Variants in KDM6A observed in about 807,000 individuals in gnomAD.
KDM6A encodes lysine demethylase 6A.
A neutral mutation model predicts 117.6 loss-of-function variants in KDM6A; 11 were observed. The ratio of observed to expected loss-of-function variants is 0.09; its 90% CI spans 0.06 to 0.15. KDM6A has a LOEUF of 0.15. KDM6A is among the 10% of genes least tolerant of loss of function. The probability of loss-of-function intolerance (pLI) is 1.00; values close to 1 mark genes in which losing one functional copy is unlikely to be tolerated. For missense variants in KDM6A, 799 were observed against 1,077.3 expected (o/e 0.74, Z 3.62); for synonymous variants, 384 against 396.1 (o/e 0.97, Z 0.36).
chrX:45,048,698 T>G lies in KDM6A; in HGVS notation c.655-3011T>G, dbSNP rs148398259. On this transcript the variant is annotated intron_variant, in intron 8 of 29. Coordinates refer to ENST00000611820, the MANE Select transcript of KDM6A (RefSeq NM_001291415.2). ...AATCCAAGAAAAAGGGAGTTACTCATCTAGTGCCGTTTCCTTCCTTTAAGT... is the reference window on the plus strand; with the variant it reads ...AATCCAAGAAAAAGGGAGTTACTCAGCTAGTGCCGTTTCCTTCCTTTAAGT... 8.8e-3 allele frequency among the ~76,000 whole-genome samples: 953 copies of G among 108,341 alleles called. 11 individuals are homozygous for G. Among genetic ancestry groups the G allele is most frequent in the African/African-American group, 0.031 (906 of 29,333 alleles). 94.1% of individuals were successfully genotyped at this position (108,341 alleles called of 115,157 possible). A position where few individuals can be genotyped will look rare whatever the true frequency, so the allele number is the denominator to read the frequency against.
At chrX:45,049,443 A>C (rs988442712) in intron 8 of KDM6A, among the ~76,000 whole-genome samples, 1 of 111,754 alleles carries the variant, frequency 8.9e-6, no homozygotes, top group African/African-American at 3.3e-5. Flanking sequence ...TCTTAACTTT[A>C]TACTTTTACC....
intron 8 of KDM6A, among the ~76,000 whole-genome samples, chrX:45,039,649 AC>A (rs1240097399): frequency 1.1e-4 from 8 of 74,455 alleles, no homozygotes; most frequent in Non-Finnish European, 1.8e-4. Context: ...TAGGCAGAGG[AC>A]CCTGCGGCCT....
chrX:45,093,382 AAAC>A (rs1357675349), intron 27 of KDM6A, among the ~76,000 whole-genome samples: 152 of 107,013 alleles, frequency 1.4e-3, no homozygotes, highest in African/African-American at 5.3e-3. Context: ...CTCAAAAAAA[AAAC>A]AAACAAACAA....
intron 2 of KDM6A, among the ~76,000 whole-genome samples, chrX:44,905,194 A>G (rs2034577620): frequency 1.8e-5 from 2 of 112,434 alleles, no homozygotes; most frequent in African/African-American, 3.2e-5. Flanking sequence ...ACATACATTA[A>G]CAGTGTTGGA....
intron 2 of KDM6A, among the ~76,000 whole-genome samples, chrX:44,881,591 A>C (rs939311709): frequency 1.9e-5 from 2 of 106,282 alleles, no homozygotes; most frequent in Non-Finnish European, 3.9e-5. Flanking sequence ...ATATTCCATC[A>C]TTTGTTTACT....
chrX:44,905,179 A>G (rs1413090668), intron 2 of KDM6A, among the ~76,000 whole-genome samples: 4 of 112,294 alleles, frequency 3.6e-5, no homozygotes, highest in Non-Finnish European at 7.5e-5. Flanking sequence ...TCTTTATCAC[A>G]TACTACATAC....
rs2148100665 is a variant in KDM6A, at chrX:45,076,712, T to A, written c.2874T>A (p.Asn958Lys). 1 of 1,156,438 alleles carries A rather than the reference T, an allele frequency of 8.6e-7. No individual in the cohort carries two copies. The change falls in exon 19 of 30, where the codon AAT becomes AAA. Residue 958 changes from asparagine to lysine, a missense_variant. Asn to Lys is a moderately conservative substitution (Grantham distance 94, BLOSUM62 0). This residue lies in a region of KDM6A where 291 missense variants were observed against 437.9 expected (regional missense o/e 0.66). Coordinates refer to ENST00000611820, the MANE Select transcript of KDM6A (RefSeq NM_001291415.2). ...TTTTTTCCAGGAATCTAGGTAAAAA[T>A]GGCTTATCTAACAGTAGCATTTTGT... The part of the protein sequence containing the change: ...VLKACRNLGK[N>K]GLSNSSILLD...
chrX:45,023,173 C>T (rs1006499687), intron 6 of KDM6A, among the ~76,000 whole-genome samples: 1 of 111,665 alleles, frequency 9.0e-6, no homozygotes, highest in African/African-American at 3.3e-5. Context: ...TAGTTGTTAT[C>T]CAGTGGAGGG....
intron 2 of KDM6A, among the ~76,000 whole-genome samples, chrX:44,919,665 G>A (rs1486393346): frequency 1.0e-5 from 1 of 97,108 alleles, no homozygotes; most frequent in Admixed American, 1.1e-4. Context: ...TTTTGAGATG[G>A]GGTCCCGCTC....
At chrX:44,878,282 A>AT (rs2031888482) in intron 2 of KDM6A, among the ~76,000 whole-genome samples, 3 of 111,606 alleles carry the variant, frequency 2.7e-5, no homozygotes, top group Non-Finnish European at 3.8e-5. Context: ...GGATTTTCAG[A>AT]TTAGGGATGC....
At chrX:45,003,944 G>A (rs1198433174) in intron 4 of KDM6A, among the ~76,000 whole-genome samples, 2 of 86,667 alleles carry the variant, frequency 2.3e-5, no homozygotes, top group African/African-American at 9.5e-5. Flanking sequence ...TTTCCTTTCT[G>A]CTGGTTTTTC....
intron 4 of KDM6A, among the ~76,000 whole-genome samples, chrX:44,975,757 G>A (rs778633103): frequency 8.9e-6 from 1 of 112,056 alleles, no homozygotes; most frequent in Non-Finnish European, 1.9e-5. Flanking sequence ...AGATAGGGAA[G>A]GGTCCCTGGA....
chrX:45,109,138 TAATAAATA>T (rs1174868830), intron 28 of KDM6A, among the ~76,000 whole-genome samples: 1,487 of 91,536 alleles, frequency 0.016, 34 homozygotes, highest in African/African-American at 0.054. Context: ...ATAATAATAA[TAATAAATA>T]AATAAATAAA....
intron 8 of KDM6A, among the ~76,000 whole-genome samples, chrX:45,043,667 C>G (rs1475276391): frequency 9.0e-6 from 1 of 110,740 alleles, no homozygotes; most frequent in Non-Finnish European, 1.9e-5. Context: ...ATCCCAGCTA[C>G]TTGGGTGGCT....
intron 2 of KDM6A, among the ~76,000 whole-genome samples, chrX:44,895,623 G>A (rs747047741): frequency 9.3e-6 from 1 of 107,870 alleles, no homozygotes; most frequent in Non-Finnish European, 1.9e-5. Context: ...TTTCTCTGAT[G>A]TAACAATTTG....
At chrX:44,931,734 G>A (rs750685820) in intron 2 of KDM6A, among the ~76,000 whole-genome samples, 1 of 111,822 alleles carries the variant, frequency 8.9e-6, no homozygotes, top group Non-Finnish European at 1.9e-5. Context: ...AGTGTTTGAT[G>A]TGTATAGAAT....
intron 8 of KDM6A, among the ~76,000 whole-genome samples, chrX:45,049,884 T>G (rs1448429686): frequency 1.8e-5 from 2 of 112,962 alleles, no homozygotes; most frequent in African/African-American, 6.4e-5. Flanking sequence ...CTGTGTAGTC[T>G]TAGCAGTTCC....
intron 7 of KDM6A, among the ~76,000 whole-genome samples, 154 bp downstream of exon 7, chrX:45,035,139 C>T (rs760782310): frequency 8.9e-6 from 1 of 112,041 alleles, no homozygotes; most frequent in African/African-American, 3.2e-5. Flanking sequence ...ATAAATGGAA[C>T]CTGCAAGACC....
chrX:44,976,343 G>A (rs978001288), intron 4 of KDM6A, among the ~76,000 whole-genome samples: 1 of 111,332 alleles, frequency 9.0e-6, no homozygotes, highest in Non-Finnish European at 1.9e-5. Flanking sequence ...GTTCATATAT[G>A]TTATAGCATG....
Sources: gnomAD v4.1 joint callset for allele counts (sites outside exome capture counted in the v4.1 genomes callset) on GRCh38, gnomAD v4.1.1 for gene constraint, gnomAD v4.1.1 regional missense constraint, MANE v1.5 for transcripts, NCBI Gene and HGNC (gene_info 2026-07-23, HGNC 2026-07-21) for gene names.